The following NCSTN variants were observed in gnomAD, a reference collection of about 807,000 sequenced individuals.
The protein encoded by NCSTN is anterior pharynx-defective 2.
In NCSTN, 22 loss-of-function variants were observed where a neutral mutation model predicts 87.0. The ratio of observed to expected loss-of-function variants is 0.25; its 90% confidence interval spans 0.18 to 0.36. The LOEUF is 0.36. Ranked by LOEUF, NCSTN falls within the 10% of genes least tolerant of loss-of-function variation. The pLI, the probability that NCSTN is intolerant of heterozygous loss-of-function variation, is 1.00. For synonymous variants in NCSTN, 306 were observed against 327.1 expected, an observed-to-expected ratio of 0.94 and a Z score of 0.69; for missense variants, 693 against 883.3, an observed-to-expected ratio of 0.78 and a Z score of 2.73.
Position 160,358,181 on chromosome 1 carries a change from C to T in NCSTN, c.2040C>T (p.Leu680=), listed in dbSNP as rs1470723159. The change falls in exon 17 of 17, where the codon CTC becomes CTT. Residue 680 remains leucine, a synonymous_variant. Transcript: ENST00000294785. ...CCCTGACAGTGGGCTTCGGCATCCT[C>T]ATCTTCTCCCTCATCGTCACCTACT... ...LITLTVGFGI[L]IFSLIVTYCI... The T allele has an allele frequency of 1.2e-6, 2 of 1,614,172 alleles. No homozygotes were observed. Among genetic ancestry groups the T allele is most frequent in the Admixed American group, 1.7e-5 (1 of 60,022 alleles).
At chr1:160,351,188 T>G (rs199955659) in intron 5 of NCSTN, 34 bp from the exon 6 acceptor site, 1 of 1,613,444 alleles carries the variant, frequency 6.2e-7, no homozygotes, top group Non-Finnish European at 8.5e-7. Flanking sequence ...CTCCACAAAC[T>G]AGCTGTCTCA....
Position 160,355,970 on chromosome 1 carries a change from G to C in NCSTN, c.1551+12G>C. The C allele has an allele frequency of 5.0e-6, 8 of 1,601,746 alleles. No homozygotes were observed. The highest frequency in any genetic ancestry group is 6.8e-6 in the Non-Finnish European group (8 of 1,169,142). ...CTGATCCCCAAACGGTAAGCAGATGGGCCCTAGCTCCTTCTTTCTATTTAC... is the reference window on the plus strand; with the variant it reads ...CTGATCCCCAAACGGTAAGCAGATGCGCCCTAGCTCCTTCTTTCTATTTAC... On this transcript the variant is annotated intron_variant, in intron 13 of 16. Transcript: ENST00000294785.
intron 11 of NCSTN, 105 bp downstream of exon 11, chr1:160,354,395 G>GA: frequency 8.2e-7 from 1 of 1,223,398 alleles, no homozygotes; most frequent in Non-Finnish European, 1.2e-6. Context: ...ACCCCCTCCA[G>GA]AACTTCAGGT....
In NCSTN at chr1:160,354,299, C is replaced by T. The variant is rs1237665686; in HGVS notation, c.1352+9C>T. 1.2e-6 allele frequency: 2 copies of T among 1,613,934 alleles called. No homozygotes were observed. Among genetic ancestry groups the T allele is most frequent in the South Asian group, 1.1e-5 (1 of 91,078 alleles). On this transcript the variant is annotated intron_variant, in intron 11 of 16. Coordinates refer to ENST00000294785, the MANE Select transcript of NCSTN (RefSeq NM_015331.3). Reference sequence around the variant, plus strand: ...GGTGCCTTCCATAACAAGTAAGAATCACTTGGCCCTGCACCCTCTTCATTC... The same window carrying T: ...GGTGCCTTCCATAACAAGTAAGAATTACTTGGCCCTGCACCCTCTTCATTC...
Position 160,349,655 on chromosome 1 carries a change from C to G in NCSTN, c.421C>G (p.Pro141Ala), listed in dbSNP as rs768591751. The change falls in exon 4 of 17, where the codon CCA (proline) becomes GCA (alanine). Residue 141 changes from proline (P) to alanine (A), a missense_variant. Physicochemically the swap from Pro to Ala is conservative, Grantham distance 27. This residue lies in a region of NCSTN where 235 missense variants were observed against 233.9 expected (regional missense o/e 1.00). Transcript: ENST00000294785. ...AGGCTTCTCTCCTAGTGTACAGTGC[C>G]CAAATGATGGGTTTGGTAAGTGTCC... ...ASGFSPSVQCPNDGFGVYSNS... is the reference protein window; with the variant it reads ...ASGFSPSVQCANDGFGVYSNS... The G allele has an allele frequency of 6.2e-7, 1 of 1,613,998 alleles. No homozygotes were observed. The highest frequency in any genetic ancestry group is 1.1e-5 in the South Asian group (1 of 91,066).
At chr1:160,348,454 G>A (rs779794096) in intron 2 of NCSTN, among the ~76,000 whole-genome samples, 3 of 152,196 alleles carry the variant, frequency 2.0e-5, no homozygotes, top group Non-Finnish European at 4.4e-5. Flanking sequence ...TCCATTCGAG[G>A]CTTATCAATT....
chr1:160,347,849 A>T (rs1053180566), intron 2 of NCSTN, among the ~76,000 whole-genome samples: 5 of 152,206 alleles, frequency 3.3e-5, no homozygotes, highest in Admixed American at 6.5e-5. Flanking sequence ...ACCTCAAGTG[A>T]TCCACCCACC....
intron 13 of NCSTN, 22 bp from the exon 14 acceptor site, chr1:160,356,238 C>G (rs371798955): frequency 1.3e-6 from 2 of 1,574,704 alleles, no homozygotes; most frequent in South Asian, 2.2e-5. Context: ...AGGGTTTTCT[C>G]TCTTTACTGT....
chr1:160,350,711 T>C (rs567000500), intron 5 of NCSTN, among the ~76,000 whole-genome samples: 1 of 146,568 alleles, frequency 6.8e-6, no homozygotes, highest in African/African-American at 2.7e-5. Context: ...ACTAGTATCG[T>C]TAAAAAAAAA....
chr1:160,350,255 T>C lies in NCSTN; in HGVS notation c.582+5T>C. The C allele has an allele frequency of 1.2e-6, 2 of 1,613,938 alleles. No individual in the cohort carries two copies. Among genetic ancestry groups the C allele is most frequent in the Non-Finnish European group, 1.7e-6 (2 of 1,179,846 alleles). ...GAAACCAAAGTCATCAAGCAGGTAA[T>C]GACACTGCCAGCTCCTAGCAATTCC... On this transcript the variant is annotated splice_donor_5th_base_variant and intron_variant, in intron 5 of 16. Coordinates refer to ENST00000294785, the MANE Select transcript of NCSTN (RefSeq NM_015331.3).
chr1:160,349,782 G>GT, intron 4 of NCSTN, 112 bp downstream of exon 4: 3 of 1,440,174 alleles, frequency 2.1e-6, no homozygotes, highest in Non-Finnish European at 2.9e-6. Flanking sequence ...TGTAGTGTCA[G>GT]TAACTGACTC....
chr1:160,354,807 CTCTGGGTTACCCTTTA>C (rs1214579126), intron 11 of NCSTN, among the ~76,000 whole-genome samples: 1 of 152,072 alleles, frequency 6.6e-6, no homozygotes, highest in Non-Finnish European at 1.5e-5. Flanking sequence ...CAAAGGGTAA[CTCTGGGTTACCCTTTA>C]ACTGCTCCTA....
intron 1 of NCSTN, among the ~76,000 whole-genome samples, chr1:160,344,067 T>A (rs887189157): frequency 3.8e-4 from 57 of 151,808 alleles, no homozygotes; most frequent in African/African-American, 1.4e-3. Flanking sequence ...GCATTTATAA[T>A]GTACTTAAGT....
Position 160,350,085 on chromosome 1 carries a change from T to G in NCSTN, c.437-20T>G. 6.2e-7 allele frequency: 1 copy of G among 1,613,182 alleles called. No homozygotes were observed. Among genetic ancestry groups the G allele is most frequent in the Non-Finnish European group, 8.5e-7 (1 of 1,179,224 alleles). On this transcript the variant is annotated intron_variant, in intron 4 of 16. Transcript: ENST00000294785. ...GGTGTCCCAGTAACCAGTCCCCCTATTCCCCATCCTTCCCTTCAGGTGTTT... is the reference window on the plus strand; with the variant it reads ...GGTGTCCCAGTAACCAGTCCCCCTAGTCCCCATCCTTCCCTTCAGGTGTTT...
Position 160,355,651 on chromosome 1 carries a change from G to C in NCSTN, c.1353-4G>C, listed in dbSNP as rs770960968. The C allele has an allele frequency of 1.1e-5, 18 of 1,611,132 alleles. No individual in the cohort carries two copies. The Admixed American group carries it at 3.0e-4, about 27-fold the overall frequency. ...GCCAAGGCTCATGCCGGCTTTCCTG[G>C]CAGATATTACCAGAGTATTTACGAC... On this transcript the variant is annotated splice_polypyrimidine_tract_variant and splice_region_variant and intron_variant, in intron 11 of 16. Coordinates refer to ENST00000294785, the MANE Select transcript of NCSTN (RefSeq NM_015331.3).
At position 160,357,251 on chromosome 1, in the gene NCSTN, G is replaced by C; in HGVS notation, c.2005G>C (p.Glu669Gln). ...RIFLIASKEL[E>Q]LITLTVGFGI... is the part of the protein sequence containing the mutation. ...ATTTCTCATCGCCAGCAAAGAGCTT[G>C]AGGTGAGATGGGGCAGGGGCATAGG... Residue 669 changes from glutamate (E) to glutamine (Q), a missense_variant and splice_region_variant, in exon 16 of 17, where the codon GAG becomes CAG. Physicochemically the swap from Glu to Gln is conservative, Grantham distance 29 (BLOSUM62 2). Around this residue, in one of 4 missense-constraint regions of NCSTN, gnomAD observed 216 missense variants for 311.7 expected, o/e 0.69. Transcript: ENST00000294785. 1.9e-6 allele frequency: 3 copies of C among 1,612,058 alleles called. No homozygotes were observed. Among genetic ancestry groups the C allele is most frequent in the Admixed American group, 1.7e-5 (1 of 59,738 alleles).
At chr1:160,347,982 G>A (rs1336985864) in intron 2 of NCSTN, among the ~76,000 whole-genome samples, 1 of 152,236 alleles carries the variant, frequency 6.6e-6, no homozygotes, top group Non-Finnish European at 1.5e-5. Flanking sequence ...TGTGGCAAGG[G>A]CCGGGCATGG....
intron 14 of NCSTN, 88 bp from the exon 15 acceptor site, chr1:160,356,512 T>C: frequency 6.4e-7 from 1 of 1,553,864 alleles, no homozygotes; most frequent in Non-Finnish European, 8.9e-7. Flanking sequence ...CCATTGCCCT[T>C]CTTTCTGGCT....
chr1:160,351,989 A>G, intron 7 of NCSTN, 65 bp from the exon 8 acceptor site: 3 of 1,587,328 alleles, frequency 1.9e-6, no homozygotes, highest in Non-Finnish European at 2.6e-6. Flanking sequence ...TGACTGGAGC[A>G]AGAAAGGAGG....
Sources: gnomAD v4.1 joint callset for allele counts (sites outside exome capture counted in the v4.1 genomes callset) on GRCh38, gnomAD v4.1.1 for gene constraint, gnomAD v4.1.1 regional missense constraint, MANE v1.5 for transcripts, NCBI Gene and HGNC (gene_info 2026-07-23, HGNC 2026-07-21) for gene names.